Variants in KATNIP observed in about 807,000 individuals in gnomAD.
The protein encoded by KATNIP is katanin-interacting protein.
Under a neutral mutation model 174.0 loss-of-function variants are expected in KATNIP, and 126 were observed. The ratio of observed to expected loss-of-function variants is 0.72; its 90% confidence interval spans 0.63 to 0.84. The LOEUF is 0.84. KATNIP is among the 40% of genes least tolerant of loss of function. The pLI, the probability that KATNIP is intolerant of heterozygous loss-of-function variation, is 0.00. For synonymous variants in KATNIP, 810 were observed against 835.7 expected, an observed-to-expected ratio of 0.97 and a Z score of 0.53; for missense variants, 1,958 against 2,109.7, an observed-to-expected ratio of 0.93 and a Z score of 1.41.
intron 6 of KATNIP, among the ~76,000 whole-genome samples, chr16:27,650,869 CA>C (rs144865357): frequency 0.013 from 1,978 of 152,274 alleles, 13 homozygotes; most frequent in Non-Finnish European, 0.02. Flanking sequence ...AAACAGTAGG[CA>C]AAATTGTGGA....
In KATNIP at chr16:27,777,929, C is replaced by A. The variant is rs781739246; in HGVS notation, c.4761C>A (p.Ile1587=). The A allele has an allele frequency of 1.5e-5, 25 of 1,614,200 alleles. 1 individual carries two copies. The South Asian group carries it at 2.6e-4, about 17-fold the overall frequency. Residue 1587 remains isoleucine, a synonymous_variant, in exon 27 of 28, where the codon ATC becomes ATA. Transcript: ENST00000261588. This position sits in a 1 kb window ranked among gnomAD's most constrained non-coding sequence, Gnocchi z 4.4. The part of the protein sequence containing the change: ...QDVQMMNENQ[I]ITNAKRKQSV... ...TCCAGATGATGAATGAAAACCAAATCATTACCAACGCGAAACGGAAGCAGA... is the reference window on the plus strand; with the variant it reads ...TCCAGATGATGAATGAAAACCAAATAATTACCAACGCGAAACGGAAGCAGA...
chr16:27,590,689 T>A (rs1461594274), intron 2 of KATNIP, among the ~76,000 whole-genome samples: 4 of 152,210 alleles, frequency 2.6e-5, no homozygotes, highest in African/African-American at 9.6e-5. Context: ...ACGGGAGCTC[T>A]CCATCAATCT....
At chr16:27,748,903 C>T (rs923942973) in intron 15 of KATNIP, among the ~76,000 whole-genome samples, 58 of 152,204 alleles carry the variant, frequency 3.8e-4, no homozygotes, top group Admixed American at 3.5e-3. Flanking sequence ...AGGAACAACA[C>T]TGTTAACACG....
chr16:27,749,722 G>A lies in KATNIP; in HGVS notation c.2762G>A (p.Gly921Glu). 6.2e-7 allele frequency: 1 copy of A among 1,613,408 alleles called. No individual in the cohort carries two copies. Among genetic ancestry groups the A allele is most frequent in the Admixed American group, 1.7e-5 (1 of 59,920 alleles). The change falls in exon 16 of 28, where the codon GGG becomes GAG. Residue 921 changes from glycine to glutamate, a missense_variant. Coordinates refer to ENST00000261588, the MANE Select transcript of KATNIP (RefSeq NM_015202.5). ...CGCATCTCCAACACGGAGCTCCCGG[G>A]GGACATCCTGGATGAGCTCCTGCAG... is the stretch of plus-strand genomic sequence containing the variant. The part of the protein sequence containing the change: ...RGRISNTELP[G>E]DILDELLQQK...
intron 2 of KATNIP, among the ~76,000 whole-genome samples, chr16:27,614,640 A>T (rs2075990270): frequency 6.6e-6 from 1 of 152,062 alleles, no homozygotes; most frequent in South Asian, 2.1e-4. Context: ...TTATAATTTC[A>T]TTATGTCACC....
Position 27,628,773 on chromosome 16 carries a change from C to T in KATNIP, c.253C>T (p.Arg85Trp), listed in dbSNP as rs150389178. Residue 85 changes from arginine (R) to tryptophan (W), a missense_variant, in exon 4 of 28, where the codon CGG (arginine) becomes TGG (tryptophan). Arg to Trp is a moderately radical substitution (Grantham distance 101, BLOSUM62 -3). Around this residue, in one of 3 missense-constraint regions of KATNIP, gnomAD observed 1,557 missense variants for 1,617.8 expected, o/e 0.96. Coordinates refer to ENST00000261588, the MANE Select transcript of KATNIP (RefSeq NM_015202.5). The stretch of plus-strand genomic sequence containing the variant: ...CAATTCGGAGCTGAAATCATCACCG[C>T]GGAAAGCTATTCACTCTGACTTCTC... ...GANSELKSSP[R>W]KAIHSDFSRS... 7.6e-5 allele frequency: 122 copies of T among 1,614,058 alleles called. 1 individual carries two copies. Among genetic ancestry groups the T allele is most frequent in the South Asian group, 3.8e-4 (35 of 91,090 alleles).
chr16:27,590,094 G>A (rs1432664416), intron 2 of KATNIP, among the ~76,000 whole-genome samples: 1 of 151,796 alleles, frequency 6.6e-6, no homozygotes, highest in African/African-American at 2.4e-5. Context: ...TTGTTTTTCT[G>A]TAATAGGCTG....
At chr16:27,680,866 T>C (rs2078310064) in intron 7 of KATNIP, among the ~76,000 whole-genome samples, 1 of 152,208 alleles carries the variant, frequency 6.6e-6, no homozygotes, top group Non-Finnish European at 1.5e-5. Flanking sequence ...AGCTAATTTT[T>C]GTATTTTTGG....
chr16:27,709,257 G>A (rs961466364), intron 13 of KATNIP: 5 of 235,944 alleles, frequency 2.1e-5, no homozygotes, highest in Admixed American at 1.0e-4. Context: ...GGAGATTGAG[G>A]CTGCAGTGAG....
intron 14 of KATNIP, among the ~76,000 whole-genome samples, chr16:27,726,687 A>G (rs916922247): frequency 2.6e-5 from 4 of 152,218 alleles, no homozygotes; most frequent in African/African-American, 9.6e-5. Context: ...AACGAGGGCC[A>G]CAGGGAGGAG....
rs140457529 is a variant in KATNIP at position 27,715,342 on chromosome 16, A to C, written c.1606-6216A>C. Among the ~76,000 whole-genome samples the C allele has an allele frequency of 3.5e-4, 53 of 152,370 alleles. No individual in the cohort carries two copies. In the East Asian group the frequency reaches 9.8e-3, roughly 28 times the overall value. On this transcript the variant is annotated intron_variant, in intron 13 of 27. Coordinates refer to ENST00000261588, the MANE Select transcript of KATNIP (RefSeq NM_015202.5). The stretch of plus-strand genomic sequence containing the variant: ...CTAAAACTTTCAAACTCTTAGAAGA[A>C]GACAAAGGTGTAAATCTTGATAGCC...
chr16:27,572,152 A>G (rs959977311), intron 1 of KATNIP, among the ~76,000 whole-genome samples: 9 of 152,052 alleles, frequency 5.9e-5, no homozygotes, highest in Non-Finnish European at 1.0e-4. Context: ...GTGGTGGTTT[A>G]TGCCTGTAAT....
At position 27,569,339 on chromosome 16, in the gene KATNIP, C is replaced by T. The variant is rs8045470; in HGVS notation, c.8-4562C>T. 5.5e-3 allele frequency among the ~76,000 whole-genome samples: 837 copies of T among 152,294 alleles called. 13 individuals carry two copies. Among genetic ancestry groups the T allele is most frequent in the African/African-American group, 0.019 (799 of 41,560 alleles). On this transcript the variant is annotated intron_variant, in intron 1 of 27. Transcript: ENST00000261588. The stretch of plus-strand genomic sequence containing the variant: ...AACGAATCCTATGTGCAGATAAAAC[C>T]TTGCTGAAATCATAAGTGGGAGAAT...
chr16:27,704,166 A>G (rs1308281460), intron 12 of KATNIP, among the ~76,000 whole-genome samples, 168 bp downstream of exon 12: 1 of 151,248 alleles, frequency 6.6e-6, no homozygotes, highest in East Asian at 1.9e-4. Context: ...GATGAAGAGC[A>G]GGGGTAGAGA....
intron 2 of KATNIP, among the ~76,000 whole-genome samples, chr16:27,608,182 T>C (rs1443904272): frequency 1.3e-5 from 2 of 152,182 alleles, no homozygotes; most frequent in African/African-American, 4.8e-5. Context: ...TTCTAGTTTT[T>C]TTTTCCCCTA....
chr16:27,657,877 T>C (rs1299040855), intron 6 of KATNIP, among the ~76,000 whole-genome samples: 3 of 152,170 alleles, frequency 2.0e-5, no homozygotes, highest in African/African-American at 7.2e-5. Flanking sequence ...GCCACGGCAC[T>C]CCAGCCTGGA....
intron 18 of KATNIP, among the ~76,000 whole-genome samples, chr16:27,760,464 T>C (rs910492046): frequency 1.3e-5 from 2 of 152,210 alleles, no homozygotes; most frequent in Non-Finnish European, 2.9e-5. Context: ...CACTTCTAAA[T>C]GGTCTCTGAT....
At chr16:27,576,706 C>T (rs1465708803) in intron 2 of KATNIP, among the ~76,000 whole-genome samples, 2 of 152,090 alleles carry the variant, frequency 1.3e-5, no homozygotes, top group East Asian at 1.9e-4. Flanking sequence ...TTATAACATG[C>T]CTTTTCCACC....
At chr16:27,563,938 C>A (rs2089989482) in intron 1 of KATNIP, among the ~76,000 whole-genome samples, 1 of 137,434 alleles carries the variant, frequency 7.3e-6, no homozygotes, top group Admixed American at 7.4e-5. Context: ...ATGGCACATA[C>A]CTGTGTCCTA....
Sources: allele counts gnomAD v4.1 joint callset (sites outside exome capture counted in the v4.1 genomes callset), GRCh38; gene constraint gnomAD v4.1.1; regional missense constraint gnomAD v4.1.1; non-coding constraint Gnocchi (gnomAD v3.1); transcripts MANE v1.5; gene names NCBI Gene and HGNC (gene_info 2026-07-23, HGNC 2026-07-21).